TULP4: variants seen among roughly 807,000 people sequenced by gnomAD.
TULP4 encodes the protein TUB like protein 4.
TULP4 carries 16 observed loss-of-function variants against 129.0 expected under a neutral mutation model. That is an observed-to-expected ratio of 0.12 (90% confidence interval 0.08 to 0.19). The LOEUF is 0.19. Ranked by LOEUF, TULP4 falls within the 10% of genes least tolerant of loss-of-function variation. The pLI, the probability that TULP4 is intolerant of heterozygous loss-of-function variation, is 1.00. For missense variants in TULP4, 1,842 were observed against 2,059.1 expected (o/e 0.89, Z 2.04); for synonymous variants, 998 against 854.0 (o/e 1.17, Z -2.94).
At chr6:158,245,589 G>A (rs1403449181) in intron 1 of TULP4, among the ~76,000 whole-genome samples, 1 of 152,062 alleles carries the variant, frequency 6.6e-6, no homozygotes, top group Non-Finnish European at 1.5e-5. Flanking sequence ...TCCACATTTA[G>A]TAGGAATTTA....
At chr6:158,365,899 CTTTT>C (rs5881257) in intron 1 of TULP4, among the ~76,000 whole-genome samples, 2 of 57,560 alleles carry the variant, frequency 3.5e-5, no homozygotes, top group Admixed American at 3.1e-4. Flanking sequence ...CTTTTTCTTT[CTTTT>C]TTTTTTTTTT....
At chr6:158,483,955 G>A (rs1355403601) in intron 8 of TULP4, among the ~76,000 whole-genome samples, 7 of 150,846 alleles carry the variant, frequency 4.6e-5, no homozygotes, top group African/African-American at 1.7e-4. Flanking sequence ...GTCTCACGGT[G>A]TCTCCCAGGC....
At chr6:158,240,296 G>A (rs1583665932) in intron 1 of TULP4, among the ~76,000 whole-genome samples, 1 of 84,060 alleles carries the variant, frequency 1.2e-5, no homozygotes, top group Admixed American at 1.2e-4. Context: ...GGGTGGCCGG[G>A]CAGAGGCGCC....
At chr6:158,469,607 A>G (rs1008167825) in intron 6 of TULP4, among the ~76,000 whole-genome samples, 8 of 152,004 alleles carry the variant, frequency 5.3e-5, no homozygotes, top group Non-Finnish European at 1.2e-4. Context: ...TGTTGCAGCC[A>G]CATCTCTAAG....
intron 1 of TULP4, among the ~76,000 whole-genome samples, chr6:158,284,527 G>A (rs1431966300): frequency 6.6e-6 from 1 of 152,248 alleles, no homozygotes; most frequent in Non-Finnish European, 1.5e-5. Context: ...ATGAGAGTCA[G>A]CTTAAAGTCA....
Position 158,481,124 on chromosome 6 carries a change from C to T in TULP4, c.1321C>T (p.His441Tyr). ...SYPSAGNERL[H>Y]CTMKRTEDDP... ...CCCATCAGCCGGCAACGAGCGGCTGCACTGCACCATGAAGCGCACAGAGGA... is the reference window on the plus strand; with the variant it reads ...CCCATCAGCCGGCAACGAGCGGCTGTACTGCACCATGAAGCGCACAGAGGA... Residue 441 changes from histidine to tyrosine, a missense_variant, in exon 8 of 14, where the codon CAC becomes TAC. Coordinates refer to ENST00000367097, the MANE Select transcript of TULP4 (RefSeq NM_020245.5). 6.2e-7 allele frequency: 1 copy of T among 1,611,298 alleles called. No homozygotes were observed. The highest frequency in any genetic ancestry group is 8.5e-7 in the Non-Finnish European group (1 of 1,177,694).
intron 5 of TULP4, among the ~76,000 whole-genome samples, chr6:158,460,912 T>TAAAA: frequency 7.1e-6 from 1 of 141,788 alleles, no homozygotes; most frequent in East Asian, 2.0e-4. Flanking sequence ...TGCTGTCTCT[T>TAAAA]AAAAAAAAAA....
At chr6:158,465,984 A>G (rs1779548202) in intron 6 of TULP4, among the ~76,000 whole-genome samples, 1 of 152,260 alleles carries the variant, frequency 6.6e-6, no homozygotes, top group South Asian at 2.1e-4. Flanking sequence ...AGCCAAAATT[A>G]TGACCCATTT....
intron 1 of TULP4, 67 bp from the exon 2 acceptor site, chr6:158,412,998 A>G (rs1778130575): frequency 1.3e-6 from 2 of 1,555,170 alleles, no homozygotes; most frequent in Non-Finnish European, 1.7e-6. Context: ...GTCTGATCAC[A>G]TCACAGAAAT....
In TULP4 at chr6:158,501,818, G is replaced by A. The variant is rs1275119565; in HGVS notation, c.2155G>A (p.Val719Met). Reference sequence around the variant, plus strand: ...GCAGTCCCTACTGGCCAATCAGAATGTGCAGCTAGATGTCCTGACCAACCA... The same window carrying A: ...GCAGTCCCTACTGGCCAATCAGAATATGCAGCTAGATGTCCTGACCAACCA... Reference protein sequence around the residue: ...LVQSLLANQNVQLDVLTNQTT... With the variant: ...LVQSLLANQNMQLDVLTNQTT... The change falls in exon 13 of 14, where the codon GTG becomes ATG. Residue 719 changes from valine (V) to methionine (M), a missense_variant. Physicochemically the swap from Val to Met is conservative, Grantham distance 21 (BLOSUM62 1). Coordinates refer to ENST00000367097, the MANE Select transcript of TULP4 (RefSeq NM_020245.5). 49 of 1,614,036 alleles carry A rather than the reference G, an allele frequency of 3.0e-5. No homozygotes were observed. Among genetic ancestry groups the A allele is most frequent in the Non-Finnish European group, 4.0e-5 (47 of 1,180,040 alleles).
In TULP4 at chr6:158,502,256, T is replaced by C; in HGVS notation, c.2593T>C (p.Leu865=). ...CCCACAGCCCCCAGTGGATGTGTGC[T>C]TGAAGAAGGGCGACTTCTCCCTCTA... ...PPPQPPVDVC[L]KKGDFSLYPT... is the part of the protein sequence containing the mutation. Residue 865 remains leucine (L), a synonymous_variant, in exon 13 of 14, where the codon TTG becomes CTG. Coordinates refer to ENST00000367097, the MANE Select transcript of TULP4 (RefSeq NM_020245.5). 2 of 1,296,070 alleles carry C rather than the reference T, an allele frequency of 1.5e-6. No homozygotes were observed. Among genetic ancestry groups the C allele is most frequent in the Non-Finnish European group, 2.1e-6 (2 of 959,350 alleles). The allele number at this position is 1,296,070 out of a possible 1,614,324, so 80.3% of individuals were successfully genotyped here. A position where few individuals can be genotyped will look rare whatever the true frequency, so the allele number is the denominator to read the frequency against.
chr6:158,461,295 C>T (rs1650928227), intron 5 of TULP4, among the ~76,000 whole-genome samples: 1 of 151,950 alleles, frequency 6.6e-6, no homozygotes, highest in South Asian at 2.1e-4. Context: ...CCCGTAGTCC[C>T]AGCTACTCGG....
At chr6:158,461,474 T>C in intron 5 of TULP4, 89 bp from the exon 6 acceptor site, 1 of 1,319,408 alleles carries the variant, frequency 7.6e-7, no homozygotes, top group East Asian at 2.3e-5. Flanking sequence ...AGTGTCTGTA[T>C]TTTTTAAACT....
chr6:158,247,251 GTCTAA>G (rs1385436216), intron 1 of TULP4, among the ~76,000 whole-genome samples: 1 of 151,994 alleles, frequency 6.6e-6, no homozygotes, highest in African/African-American at 2.4e-5. Flanking sequence ...TGCTTGTAGA[GTCTAA>G]TCTATTAATG....
At chr6:158,426,486 CCGT>C (rs1778497750) in intron 2 of TULP4, among the ~76,000 whole-genome samples, 8 of 121,920 alleles carry the variant, frequency 6.6e-5, no homozygotes, top group African/African-American at 2.4e-4. Context: ...AGTCCTTTCC[CCGT>C]TGTTTGTTTT....
intron 1 of TULP4, among the ~76,000 whole-genome samples, chr6:158,258,365 A>G (rs1482062248): frequency 1.3e-5 from 2 of 152,218 alleles, no homozygotes; most frequent in Non-Finnish European, 2.9e-5. Context: ...TGTTTGGTCC[A>G]GGTGGCACAA....
chr6:158,287,686 T>C (rs1483938722), intron 1 of TULP4, among the ~76,000 whole-genome samples: 1 of 152,212 alleles, frequency 6.6e-6, no homozygotes, highest in Non-Finnish European at 1.5e-5. Flanking sequence ...AGCTGCATCA[T>C]GAAAGATGGC....
At chr6:158,243,449 T>C (rs1777964953) in intron 1 of TULP4, among the ~76,000 whole-genome samples, 1 of 117,614 alleles carries the variant, frequency 8.5e-6, no homozygotes, top group South Asian at 2.6e-4. Flanking sequence ...GTTTATATCA[T>C]ATCATATATA....
chr6:158,254,985 T>A (rs1778218589), intron 1 of TULP4, among the ~76,000 whole-genome samples: 1 of 152,226 alleles, frequency 6.6e-6, no homozygotes, highest in African/African-American at 2.4e-5. Context: ...GTCAGGAGAA[T>A]CACTTGAACC....
Sources: gnomAD v4.1 joint callset for allele counts (sites outside exome capture counted in the v4.1 genomes callset) on GRCh38, gnomAD v4.1.1 for gene constraint, MANE v1.5 for transcripts, NCBI Gene and HGNC (gene_info 2026-07-23, HGNC 2026-07-21) for gene names.